Variants in MYO3A observed in about 807,000 individuals in gnomAD.
MYO3A encodes myosin IIIA.
Under a neutral mutation model 192.7 loss-of-function variants are expected in MYO3A, and 180 were observed. That is an observed-to-expected ratio of 0.93 (90% CI 0.83 to 1.06). The LOEUF (loss-of-function observed/expected upper bound fraction) is 1.06, where lower values mean the gene tolerates loss of function less well. MYO3A is among the 50% of genes least tolerant of loss of function. MYO3A has a pLI of 0.00. For missense variants in MYO3A, 1,896 were observed against 1,905.0 expected, an observed-to-expected ratio of 1.00 and a Z score of 0.09; for synonymous variants, 628 against 645.3, an observed-to-expected ratio of 0.97 and a Z score of 0.41.
Position 26,159,686 on chromosome 10 carries a change from G to A in MYO3A, c.2999+2171G>A, listed in dbSNP as rs557876210. The stretch of plus-strand genomic sequence containing the variant: ...GAGCCACTGCACCCAGCTGATTTTG[G>A]TTTTCTTTAGAGACCTGGGATTATT... On this transcript the variant is annotated intron_variant, in intron 26 of 34. Coordinates refer to ENST00000642920, the MANE Select transcript of MYO3A (RefSeq NM_017433.5). 3.3e-5 allele frequency among the ~76,000 whole-genome samples: 5 copies of A among 152,236 alleles called. No homozygotes were observed. In the East Asian group the frequency reaches 5.8e-4, roughly 18 times the overall value.
chr10:26,202,965 C>T lies in MYO3A; in HGVS notation c.4588C>T (p.Gln1530Ter). The change falls in exon 34 of 35, where the codon CAG becomes TAG. Residue 1530 changes from glutamine (Q) to a stop codon, truncating the protein, a stop_gained and splice_region_variant. Coordinates refer to ENST00000642920, the MANE Select transcript of MYO3A (RefSeq NM_017433.5). LOFTEE classifies it high-confidence loss of function. ...GTGTGTTTATGTGTTCATTTACAGTCAGGGAAAATTATTAGATTTGGAAGA... is the reference window on the plus strand; with the variant it reads ...GTGTGTTTATGTGTTCATTTACAGTTAGGGAAAATTATTAGATTTGGAAGA... ...EEKRRPRKDS[Q>*]GKLLDLEDFY... 1 of 1,613,430 alleles carries T rather than the reference C, an allele frequency of 6.2e-7. No individual in the cohort carries two copies. The highest frequency in any genetic ancestry group is 8.5e-7 in the Non-Finnish European group (1 of 1,179,632).
At chr10:26,026,661 C>A (rs1842561320) in intron 10 of MYO3A, 129 bp downstream of exon 10, 1 of 1,072,218 alleles carries the variant, frequency 9.3e-7, no homozygotes, top group Non-Finnish European at 1.4e-6. Context: ...AAGTGAATGT[C>A]ACCTGTTGAA....
chr10:26,120,254 C>G (rs1436104704), intron 17 of MYO3A, among the ~76,000 whole-genome samples: 2 of 151,950 alleles, frequency 1.3e-5, no homozygotes, highest in South Asian at 2.1e-4. Context: ...TTTCTTAGTC[C>G]TCCTTTATTC....
At chr10:26,068,967 A>G (rs1027540913) in intron 12 of MYO3A, 83 bp downstream of exon 12, 7 of 953,230 alleles carry the variant, frequency 7.3e-6, no homozygotes, top group Non-Finnish European at 1.2e-5. Context: ...TGAATGCCAG[A>G]AAATTTTATC....
chr10:26,038,011 G>A (rs1015551076), intron 10 of MYO3A, among the ~76,000 whole-genome samples: 3 of 152,120 alleles, frequency 2.0e-5, no homozygotes, highest in East Asian at 1.9e-4. Flanking sequence ...AGCTCACTGT[G>A]GATTTATGGA....
At chr10:26,102,267 T>C (rs555523133) in intron 17 of MYO3A, among the ~76,000 whole-genome samples, 133 of 152,354 alleles carry the variant, frequency 8.7e-4, no homozygotes, top group African/African-American at 3.1e-3. Context: ...TAAGGTCTTC[T>C]CTACACTGTT....
At position 26,211,954 on chromosome 10, in the gene MYO3A, G is replaced by T; in HGVS notation, c.4842G>T (p.Gln1614His). 6.2e-7 allele frequency: 1 copy of T among 1,613,980 alleles called. No homozygotes were observed. The highest frequency in any genetic ancestry group is 1.1e-5 in the South Asian group (1 of 91,004). ...CCTCCCAGCGCCGGCGCCTCGTCCA[G>T]CAGTCCTAACCGTTCAACGAGGCAG... ...RKTSQRRRLV[Q>H]QS The change falls in exon 35 of 35, where the codon CAG (glutamine) becomes CAT (histidine). Residue 1614 changes from glutamine (Q) to histidine (H), a missense_variant. By Grantham distance (24) the Gln-to-His change is conservative. Coordinates refer to ENST00000642920, the MANE Select transcript of MYO3A (RefSeq NM_017433.5).
At chr10:26,066,170 A>G (rs12761327) in intron 10 of MYO3A, among the ~76,000 whole-genome samples, 56,832 of 129,662 alleles carry the variant, frequency 0.44, 17,596 homozygotes, top group Middle Eastern at 0.59. Flanking sequence ...ATAGGGGAAC[A>G]GGCAGTTTAT....
chr10:26,013,866 C>T (rs896344690), intron 6 of MYO3A, among the ~76,000 whole-genome samples: 4 of 152,024 alleles, frequency 2.6e-5, no homozygotes, highest in African/African-American at 9.7e-5. Flanking sequence ...AGATGTGGGA[C>T]CAACCTAAGT....
At chr10:26,132,442 G>A (rs114438689) in intron 20 of MYO3A, among the ~76,000 whole-genome samples, 2,658 of 152,254 alleles carry the variant, frequency 0.017, 85 homozygotes, top group African/African-American at 0.058. Context: ...TCAAATCAAG[G>A]GGAGTACATA....
intron 23 of MYO3A, among the ~76,000 whole-genome samples, chr10:26,148,636 T>C (rs1840612282): frequency 6.6e-6 from 1 of 152,216 alleles, no homozygotes; most frequent in Non-Finnish European, 1.5e-5. Flanking sequence ...ACAGTATAGC[T>C]CTCCATTTAT....
At chr10:26,199,118 T>C (rs1843555675) in intron 32 of MYO3A, among the ~76,000 whole-genome samples, 1 of 152,214 alleles carries the variant, frequency 6.6e-6, no homozygotes, top group South Asian at 2.1e-4. Flanking sequence ...GCCTCCATCT[T>C]AATGCACCTA....
chr10:26,198,083 C>A (rs971852665), intron 32 of MYO3A, among the ~76,000 whole-genome samples: 1 of 152,160 alleles, frequency 6.6e-6, no homozygotes, highest in Non-Finnish European at 1.5e-5. Flanking sequence ...AAATTATTTC[C>A]TTTACATTTG....
chr10:26,087,174 C>G (rs1382821434), intron 14 of MYO3A, among the ~76,000 whole-genome samples: 2 of 152,170 alleles, frequency 1.3e-5, no homozygotes, highest in Admixed American at 1.3e-4. Flanking sequence ...AATGTTATCT[C>G]ACCTTTTTCA....
chr10:26,168,809 T>C lies in MYO3A; in HGVS notation c.3209T>C (p.Leu1070Ser). Reference protein sequence around the residue: ...ILIQACVRAFLCSRRYQKIQE... With the variant: ...ILIQACVRAFSCSRRYQKIQE... ...ATTCAAGCTTGTGTCAGAGCATTCT[T>C]GTGTTCAAGAAGATACCAAAAAATA... Residue 1070 changes from leucine to serine, a missense_variant, in exon 28 of 35, where the codon TTG (leucine) becomes TCG (serine). By Grantham distance (145) the Leu-to-Ser change is moderately radical (BLOSUM62 -2). Coordinates refer to ENST00000642920, the MANE Select transcript of MYO3A (RefSeq NM_017433.5). The C allele has an allele frequency of 1.2e-6, 2 of 1,613,196 alleles. No homozygotes were observed. The highest frequency in any genetic ancestry group is 1.7e-6 in the Non-Finnish European group (2 of 1,179,732).
intron 15 of MYO3A, among the ~76,000 whole-genome samples, chr10:26,088,673 G>C (rs1836493620): frequency 6.6e-6 from 1 of 152,172 alleles, no homozygotes; most frequent in Non-Finnish European, 1.5e-5. Flanking sequence ...GCGTAAATTA[G>C]AGACCATTCT....
chr10:26,149,361 A>G (rs1334514758), intron 23 of MYO3A, among the ~76,000 whole-genome samples: 1 of 151,914 alleles, frequency 6.6e-6, no homozygotes, highest in Non-Finnish European at 1.5e-5. Context: ...CAGCCTTCCG[A>G]GTAGCTGGGA....
At chr10:26,092,772 G>A (rs1186727873) in intron 15 of MYO3A, among the ~76,000 whole-genome samples, 1 of 152,196 alleles carries the variant, frequency 6.6e-6, no homozygotes, top group Non-Finnish European at 1.5e-5. Context: ...TTGGTAACTT[G>A]CAAGACCCCA....
In MYO3A at chr10:26,166,067, G is replaced by T; in HGVS notation, c.3000G>T (p.Arg1000=). Residue 1000 remains arginine, a splice_region_variant and synonymous_variant, in exon 27 of 35, where the codon CGG becomes CGT. Transcript: ENST00000642920. ...HRILFANFIK[R]YYLLCYKSSE... ...AACCAGCCCTTTTTTCCATTCCAAG[G>T]TACTACCTTCTCTGCTACAAGTCGA... is the stretch of plus-strand genomic sequence containing the variant. The T allele has an allele frequency of 3.1e-6, 5 of 1,613,626 alleles. No homozygotes were observed. The South Asian group carries it at 3.3e-5, about 11-fold the overall frequency.
Sources: gnomAD v4.1 joint callset for allele counts (sites outside exome capture counted in the v4.1 genomes callset) on GRCh38, gnomAD v4.1.1 for gene constraint, MANE v1.5 for transcripts, NCBI Gene and HGNC (gene_info 2026-07-23, HGNC 2026-07-21) for gene names.